The following CNBD1 variants were observed in gnomAD, a reference collection of about 807,000 sequenced individuals.
The protein encoded by CNBD1 is cyclic nucleotide-binding domain-containing protein 1.
A neutral mutation model predicts 54.4 loss-of-function variants in CNBD1; 71 were observed. The observed-to-expected ratio is 1.30, with a 90% CI of 1.08 to 1.59. The LOEUF is 1.59. CNBD1 is among the 40% of genes most tolerant of loss of function. The pLI, the probability that CNBD1 is intolerant of heterozygous loss-of-function variation, is 0.00. For synonymous variants in CNBD1, 182 were observed against 170.7 expected (o/e 1.07, Z -0.51); for missense variants, 659 against 518.0 (o/e 1.27, Z -2.64).
At chr8:87,121,888 A>G (rs746122363) in intron 4 of CNBD1, among the ~76,000 whole-genome samples, 9 of 151,170 alleles carry the variant, frequency 6.0e-5, no homozygotes, top group Non-Finnish European at 1.3e-4. Context: ...GTGTGTGTGT[A>G]TATATATATA....
intron 8 of CNBD1, among the ~76,000 whole-genome samples, chr8:87,292,285 G>C (rs1230545804): frequency 6.6e-6 from 1 of 152,152 alleles, no homozygotes; most frequent in Non-Finnish European, 1.5e-5. Context: ...AGGCAATTTG[G>C]ATTTAAGGTG....
chr8:87,094,394 G>A (rs1722306307), intron 4 of CNBD1, among the ~76,000 whole-genome samples: 1 of 147,440 alleles, frequency 6.8e-6, no homozygotes, highest in African/African-American at 2.5e-5. Flanking sequence ...TTTTATTTTT[G>A]TATTATTATT....
At position 87,226,524 on chromosome 8, in the gene CNBD1, G is replaced by A. The variant is rs549018326; in HGVS notation, c.578-10395G>A. 5.7e-4 allele frequency among the ~76,000 whole-genome samples: 84 copies of A among 146,906 alleles called. 1 individual carries two copies. The East Asian group carries it at 0.016, about 27-fold the overall frequency. ...CCCAGTAGTCATTCAGGAGCAGGTTGTTCAGTTTCCATGTAGTTGAGCAGT... is the reference window on the plus strand; with the variant it reads ...CCCAGTAGTCATTCAGGAGCAGGTTATTCAGTTTCCATGTAGTTGAGCAGT... On this transcript the variant is annotated intron_variant, in intron 5 of 10. Coordinates refer to ENST00000518476, the MANE Select transcript of CNBD1 (RefSeq NM_173538.3).
intron 3 of CNBD1, among the ~76,000 whole-genome samples, chr8:86,920,929 G>A (rs1001684774): frequency 6.6e-6 from 1 of 151,890 alleles, no homozygotes; most frequent in African/African-American, 2.4e-5. Flanking sequence ...TATAGTGTAT[G>A]CATAGTCTAG....
At chr8:87,376,323 A>G (rs547137112) in intron 10 of CNBD1, among the ~76,000 whole-genome samples, 39 of 151,832 alleles carry the variant, frequency 2.6e-4, no homozygotes, top group African/African-American at 8.2e-4. Context: ...GTATTCTCAC[A>G]TGGCTGAGAA....
At chr8:86,985,954 G>A (rs1808597033) in intron 4 of CNBD1, among the ~76,000 whole-genome samples, 1 of 151,838 alleles carries the variant, frequency 6.6e-6, no homozygotes, top group African/African-American at 2.4e-5. Context: ...TCCTGAGATG[G>A]GAGTCTTGCT....
chr8:87,386,276 G>A (rs1026236791), downstream of CNBD1, among the ~76,000 whole-genome samples: 3 of 152,132 alleles, frequency 2.0e-5, no homozygotes, highest in Non-Finnish European at 4.4e-5. Context: ...TGACTTTAAC[G>A]AGTTGAGAGA....
At chr8:87,243,407 A>G (rs1040493871) in intron 6 of CNBD1, among the ~76,000 whole-genome samples, 1 of 152,214 alleles carries the variant, frequency 6.6e-6, no homozygotes, top group Non-Finnish European at 1.5e-5. Flanking sequence ...CATGTTTGAT[A>G]AGGACAAGGA....
chr8:87,140,816 C>A (rs1404947385), intron 4 of CNBD1, among the ~76,000 whole-genome samples: 4 of 151,886 alleles, frequency 2.6e-5, no homozygotes, highest in African/African-American at 7.3e-5. Flanking sequence ...GGCAAGAAGC[C>A]CTAGAGTAGG....
At chr8:87,263,608 G>A (rs968896073) in intron 6 of CNBD1, among the ~76,000 whole-genome samples, 8 of 151,954 alleles carry the variant, frequency 5.3e-5, no homozygotes, top group South Asian at 2.1e-4. Flanking sequence ...AACGAACACA[G>A]TTCTGTTATT....
intron 3 of CNBD1, among the ~76,000 whole-genome samples, chr8:86,920,576 C>T (rs866945521): frequency 2.0e-5 from 3 of 152,156 alleles, no homozygotes; most frequent in Admixed American, 1.3e-4. Context: ...CCCCAGAACT[C>T]CACTGGCTAC....
chr8:86,897,736 A>G (rs1288591014), intron 2 of CNBD1, among the ~76,000 whole-genome samples: 1 of 152,214 alleles, frequency 6.6e-6, no homozygotes, highest in Non-Finnish European at 1.5e-5. Context: ...AGGATAAGAC[A>G]GTTGGCAAGG....
intron 8 of CNBD1, among the ~76,000 whole-genome samples, chr8:87,319,120 C>A (rs933396472): frequency 5.3e-5 from 8 of 151,810 alleles, no homozygotes; most frequent in Non-Finnish European, 1.2e-4. Flanking sequence ...GAGAAGTGGC[C>A]CCTCAATGCT....
chr8:87,357,658 G>C (rs999791837), intron 10 of CNBD1, among the ~76,000 whole-genome samples: 8 of 152,192 alleles, frequency 5.3e-5, no homozygotes, highest in African/African-American at 1.9e-4. Flanking sequence ...TGGAAAGAAT[G>C]TGTCTTGAGT....
intron 4 of CNBD1, among the ~76,000 whole-genome samples, chr8:87,152,087 A>C (rs916054265): frequency 1.3e-5 from 2 of 152,148 alleles, no homozygotes; most frequent in African/African-American, 4.8e-5. Context: ...TGACAATAAG[A>C]GAAAATTGAA....
intron 2 of CNBD1, among the ~76,000 whole-genome samples, chr8:87,407,228 G>T (rs1006953316): frequency 6.6e-6 from 1 of 151,898 alleles, no homozygotes; most frequent in Non-Finnish European, 1.5e-5. Context: ...TTATGAGTAG[G>T]TTTTACTTGT....
intron 8 of CNBD1, among the ~76,000 whole-genome samples, chr8:87,296,932 T>C (rs912009639): frequency 5.3e-5 from 8 of 151,826 alleles, no homozygotes; most frequent in Non-Finnish European, 1.0e-4. Context: ...TCCTAGCACT[T>C]TGGGAGGCCG....
chr8:87,160,594 T>A (rs1236464327), intron 4 of CNBD1, among the ~76,000 whole-genome samples: 2 of 152,134 alleles, frequency 1.3e-5, no homozygotes, highest in Non-Finnish European at 2.9e-5. Context: ...AATAATTTCA[T>A]AATCTGCTTT....
intron 4 of CNBD1, among the ~76,000 whole-genome samples, chr8:87,089,433 G>T (rs553655572): frequency 6.6e-6 from 1 of 152,112 alleles, no homozygotes; most frequent in East Asian, 1.9e-4. Context: ...TTCAGTTCTG[G>T]CACCAGAAAA....
Sources: gnomAD v4.1 joint callset for allele counts (sites outside exome capture counted in the v4.1 genomes callset) on GRCh38, gnomAD v4.1.1 for gene constraint, MANE v1.5 for transcripts, NCBI Gene and HGNC (gene_info 2026-07-23, HGNC 2026-07-21) for gene names.